Variants in LY6G6D observed in about 807,000 individuals in gnomAD.
LY6G6D encodes the protein lymphocyte antigen 6 family member G6D.
LY6G6D carries 5 observed loss-of-function variants against 8.5 expected under a neutral mutation model. The observed-to-expected ratio is 0.59, with a 90% confidence interval of 0.31 to 1.24. The LOEUF is 1.24. Ranked by LOEUF, LY6G6D falls within the 50% of genes most tolerant of loss-of-function variation. The pLI is 0.07. For missense variants in LY6G6D, 154 were observed against 170.4 expected (o/e 0.90, Z 0.53); for synonymous variants, 65 against 69.6 (o/e 0.93, Z 0.33).
In LY6G6D at chr6:31,717,244, C is replaced by T. The variant is rs1432722178; in HGVS notation, c.179-337C>T. ...CAGCTGGGCAATAAGAGTGAAACTC[C>T]GTCTCAAAAAAAAAAAAAAAATTAC... On this transcript the variant is annotated intron_variant, in intron 2 of 2. Transcript: ENST00000375825. The surrounding 1 kb of genome is among the most constrained non-coding windows in gnomAD (Gnocchi z 5.0). Among the ~76,000 whole-genome samples the T allele has an allele frequency of 3.4e-5, 5 of 145,858 alleles. No homozygotes were observed. The highest frequency in any genetic ancestry group is 6.0e-5 in the Non-Finnish European group (4 of 66,808).
chr6:31,717,736 C>A lies in LY6G6D; in HGVS notation c.334C>A (p.Pro112Thr), dbSNP rs1368318062. 6.2e-7 allele frequency: 1 copy of A among 1,614,072 alleles called. No homozygotes were observed. Among genetic ancestry groups the A allele is most frequent in the African/African-American group, 1.3e-5 (1 of 74,928 alleles). ...CNSAVASHVA[P>T]AGILAAAATA... ...CAGCGCCGTGGCAAGCCATGTGGCC[C>A]CTGCAGGCATTTTGGCTGCAGCAGC... The change falls in exon 3 of 3, where the codon CCT (proline) becomes ACT (threonine). Residue 112 changes from proline to threonine, a missense_variant. Transcript: ENST00000375825. This position sits in a 1 kb window ranked among gnomAD's most constrained non-coding sequence, Gnocchi z 5.0.
Position 31,716,452 on chromosome 6 carries a change from CAG to C in LY6G6D, c.178+830_178+831del, listed in dbSNP as rs1562157655. Among the ~76,000 whole-genome samples the C allele has an allele frequency of 1.3e-5, 2 of 151,614 alleles. No individual in the cohort carries two copies. Reference sequence around the variant, plus strand: ...AAAAACAAACAAACAAACAAACAAACAGATTAAAAAATTAGTTGGGTGTGGTG... The same window carrying C: ...AAAAACAAACAAACAAACAAACAAACATTAAAAAATTAGTTGGGTGTGGTG... On this transcript the variant is annotated intron_variant, in intron 2 of 2. Coordinates refer to ENST00000375825, the MANE Select transcript of LY6G6D (RefSeq NM_021246.4). This position sits in a 1 kb window ranked among gnomAD's most constrained non-coding sequence, Gnocchi z 5.1.
chr6:31,717,530 G>T lies in LY6G6D; in HGVS notation c.179-51G>T. ...AATCACATCTGCTCTGCCCCAGAAG[G>T]CAAGTCCTGAAGCCAGGAGTCCAAC... On this transcript the variant is annotated intron_variant, in intron 2 of 2. Coordinates refer to ENST00000375825, the MANE Select transcript of LY6G6D (RefSeq NM_021246.4). The surrounding 1 kb of genome is among the most constrained non-coding windows in gnomAD (Gnocchi z 5.0). The T allele has an allele frequency of 6.2e-7, 1 of 1,614,136 alleles. No homozygotes were observed. The highest frequency in any genetic ancestry group is 8.5e-7 in the Non-Finnish European group (1 of 1,179,996).
chr6:31,717,312 G>T lies in LY6G6D; in HGVS notation c.179-269G>T. ...AAAATTATTTTATAGAATGTCCCTC[G>T]ATATTTATTTATCTGATATTTGCCA... On this transcript the variant is annotated intron_variant, in intron 2 of 2. Transcript: ENST00000375825. This position sits in a 1 kb window ranked among gnomAD's most constrained non-coding sequence, Gnocchi z 5.0. The T allele has an allele frequency of 1.5e-6, 1 of 656,384 alleles. No homozygotes were observed. 40.7% of individuals were successfully genotyped at this position (656,384 alleles called of 1,614,324 possible). A position where few individuals can be genotyped will look rare whatever the true frequency, so the allele number is the denominator to read the frequency against.
rs760385230 is a variant in LY6G6D, at chr6:31,715,415, G to A, written c.55+5G>A. On this transcript the variant is annotated splice_donor_5th_base_variant and intron_variant, in intron 1 of 2. Transcript: ENST00000375825. The stretch of plus-strand genomic sequence containing the variant: ...CCCTGCTAGGGGCTGCCTTGGGTAA[G>A]GAGGCGGCCAGCTAGCTTCTCACAC... 9 of 1,605,714 alleles carry A rather than the reference G, an allele frequency of 5.6e-6. No homozygotes were observed. Among genetic ancestry groups the A allele is most frequent in the Middle Eastern group, 3.3e-4 (2 of 6,054 alleles).
At position 31,717,296 on chromosome 6, in the gene LY6G6D, T is replaced by G. The variant is rs1328315241; in HGVS notation, c.179-285T>G. Among the ~76,000 whole-genome samples the G allele has an allele frequency of 6.6e-6, 1 of 152,142 alleles. No individual in the cohort carries two copies. Among genetic ancestry groups the G allele is most frequent in the Non-Finnish European group, 1.5e-5 (1 of 68,016 alleles). ...GATACTTGAAATACTAAAAATTATT[T>G]TATAGAATGTCCCTCGATATTTATT... On this transcript the variant is annotated intron_variant, in intron 2 of 2. Transcript: ENST00000375825. The surrounding 1 kb of genome is among the most constrained non-coding windows in gnomAD (Gnocchi z 5.0).
Position 31,717,792 on chromosome 6 carries a change from G to C in LY6G6D, c.390G>C (p.Leu130=). Residue 130 remains leucine (L), a synonymous_variant, in exon 3 of 3, where the codon CTG becomes CTC. Coordinates refer to ENST00000375825, the MANE Select transcript of LY6G6D (RefSeq NM_021246.4). This position sits in a 1 kb window ranked among gnomAD's most constrained non-coding sequence, Gnocchi z 5.0. The part of the protein sequence containing the change: ...ATALTCLLPG[L]WSG ...CCCTGACCTGTCTCTTGCCAGGACT[G>C]TGGAGCGGATAGGGGGAGTAGGAGT... 2 of 1,611,954 alleles carry C rather than the reference G, an allele frequency of 1.2e-6. No individual in the cohort carries two copies. Among genetic ancestry groups the C allele is most frequent in the Non-Finnish European group, 1.7e-6 (2 of 1,179,524 alleles).
rs1308260674 is a variant in LY6G6D, at chr6:31,717,718, G to A, written c.316G>A (p.Val106Met). 7 of 1,614,230 alleles carry A rather than the reference G, an allele frequency of 4.3e-6. No homozygotes were observed. The highest frequency in any genetic ancestry group is 5.9e-6 in the Non-Finnish European group (7 of 1,180,052). ...CYLGDLCNSA[V>M]ASHVAPAGIL... ...CCTGGGAGACCTGTGCAACAGCGCC[G>A]TGGCAAGCCATGTGGCCCCTGCAGG... Residue 106 changes from valine to methionine, a missense_variant, in exon 3 of 3, where the codon GTG (valine) becomes ATG (methionine). By Grantham distance (21) the Val-to-Met change is conservative (BLOSUM62 1). Coordinates refer to ENST00000375825, the MANE Select transcript of LY6G6D (RefSeq NM_021246.4). This position sits in a 1 kb window ranked among gnomAD's most constrained non-coding sequence, Gnocchi z 5.0.
intron 2 of LY6G6D, 146 bp downstream of exon 2, chr6:31,715,770 T>G: frequency 8.0e-7 from 1 of 1,254,464 alleles, no homozygotes; most frequent in Middle Eastern, 2.6e-4. Flanking sequence ...GTACCCCTTC[T>G]GGCTCCTGGC....
chr6:31,717,463 G>A lies in LY6G6D; in HGVS notation c.179-118G>A. 1 of 1,609,670 alleles carries A rather than the reference G, an allele frequency of 6.2e-7. No individual in the cohort carries two copies. The highest frequency in any genetic ancestry group is 8.5e-7 in the Non-Finnish European group (1 of 1,177,850). On this transcript the variant is annotated intron_variant, in intron 2 of 2. Coordinates refer to ENST00000375825, the MANE Select transcript of LY6G6D (RefSeq NM_021246.4). This position sits in a 1 kb window ranked among gnomAD's most constrained non-coding sequence, Gnocchi z 5.0. ...AACTTTGATCACTTGGTTTCAGGGA[G>A]GTGTTTTTTGAGGGGGCTGAAAATC...
In LY6G6D at chr6:31,717,337, A is replaced by G; in HGVS notation, c.179-244A>G. ...GATATTTATTTATCTGATATTTGCC[A>G]TGATGAGATTGAGGTCATGCATTTT... On this transcript the variant is annotated intron_variant, in intron 2 of 2. Transcript: ENST00000375825. This position sits in a 1 kb window ranked among gnomAD's most constrained non-coding sequence, Gnocchi z 5.0. The G allele has an allele frequency of 1.3e-6, 1 of 747,856 alleles. No homozygotes were observed. 46.3% of individuals were successfully genotyped at this position (747,856 alleles called of 1,614,324 possible).
chr6:31,715,589 A>C lies in LY6G6D; in HGVS notation c.143A>C (p.Gln48Pro). 1.2e-6 allele frequency: 2 copies of C among 1,613,076 alleles called. No individual in the cohort carries two copies. Among genetic ancestry groups the C allele is most frequent in the South Asian group, 2.2e-5 (2 of 91,084 alleles). ...AVTTCGEGRP[Q>P]PGLEQIKLPG... ...ACCACCTGTGGCGAGGGCAGACCCC[A>C]GCCAGGCCTGGAACAGATCAAGCTA... Residue 48 changes from glutamine to proline, a missense_variant, in exon 2 of 3, where the codon CAG becomes CCG. Coordinates refer to ENST00000375825, the MANE Select transcript of LY6G6D (RefSeq NM_021246.4).
chr6:31,717,426 G>A lies in LY6G6D; in HGVS notation c.179-155G>A. 6.3e-7 allele frequency: 1 copy of A among 1,579,182 alleles called. No individual in the cohort carries two copies. Among genetic ancestry groups the A allele is most frequent in the South Asian group, 1.2e-5 (1 of 85,398 alleles). On this transcript the variant is annotated intron_variant, in intron 2 of 2. Coordinates refer to ENST00000375825, the MANE Select transcript of LY6G6D (RefSeq NM_021246.4). This position sits in a 1 kb window ranked among gnomAD's most constrained non-coding sequence, Gnocchi z 5.0. ...GCTGCATCACATCAGGAGTTTACAA[G>A]GTCAATGCATTAACTTTGATCACTT...
At chr6:31,715,734 G>T in intron 2 of LY6G6D, 110 bp downstream of exon 2, 1 of 1,488,182 alleles carries the variant, frequency 6.7e-7, no homozygotes, top group Non-Finnish European at 9.0e-7. Flanking sequence ...TGGGCAGATG[G>T]TGCAGCTGTT....
At chr6:31,715,701 A>G in intron 2 of LY6G6D, 77 bp downstream of exon 2, 1 of 1,569,232 alleles carries the variant, frequency 6.4e-7, no homozygotes, top group South Asian at 1.2e-5. Context: ...GGCTTCCAGA[A>G]CCCTCCAGGC....
At position 31,715,536 on chromosome 6, in the gene LY6G6D, C is replaced by G; in HGVS notation, c.90C>G (p.Ser30Arg). 6.2e-7 allele frequency: 1 copy of G among 1,613,012 alleles called. No individual in the cohort carries two copies. The highest frequency in any genetic ancestry group is 8.5e-7 in the Non-Finnish European group (1 of 1,180,016). ...TGCGGTGCTACAACTGTGGTGGAAG[C>G]CCCAGCAGTTCTTGCAAAGAGGCCG... is the stretch of plus-strand genomic sequence containing the variant. ...NRMRCYNCGG[S>R]PSSSCKEAVT... The change falls in exon 2 of 3, where the codon AGC becomes AGG. Residue 30 changes from serine (S) to arginine (R), a missense_variant. By Grantham distance (110) the Ser-to-Arg change is moderately radical. Transcript: ENST00000375825.
chr6:31,715,717 C>T (rs747329941), intron 2 of LY6G6D, 93 bp downstream of exon 2: 4 of 1,539,632 alleles, frequency 2.6e-6, no homozygotes, highest in African/African-American at 1.4e-5. Flanking sequence ...CAGGCTCAGT[C>T]TGGCTCTGGG....
chr6:31,715,860 C>T (rs1388246966), intron 2 of LY6G6D, among the ~76,000 whole-genome samples: 2 of 152,086 alleles, frequency 1.3e-5, no homozygotes, highest in African/African-American at 2.4e-5. Context: ...CTCATAGGCC[C>T]ATTAGCTCAC....
rs894085518 is a variant in LY6G6D, at chr6:31,717,725, G to A, written c.323G>A (p.Ser108Asn). 17 of 1,614,124 alleles carry A rather than the reference G, an allele frequency of 1.1e-5. No individual in the cohort carries two copies. Among genetic ancestry groups the A allele is most frequent in the Non-Finnish European group, 1.4e-5 (17 of 1,180,060 alleles). Residue 108 changes from serine to asparagine, a missense_variant, in exon 3 of 3, where the codon AGC (serine) becomes AAC (asparagine). By Grantham distance (46) the Ser-to-Asn change is conservative. Coordinates refer to ENST00000375825, the MANE Select transcript of LY6G6D (RefSeq NM_021246.4). The surrounding 1 kb of genome is among the most constrained non-coding windows in gnomAD (Gnocchi z 5.0). ...GACCTGTGCAACAGCGCCGTGGCAA[G>A]CCATGTGGCCCCTGCAGGCATTTTG... is the stretch of plus-strand genomic sequence containing the variant. ...LGDLCNSAVA[S>N]HVAPAGILAA... is the part of the protein sequence containing the mutation.
Sources: gnomAD v4.1 joint callset for allele counts (sites outside exome capture counted in the v4.1 genomes callset) on GRCh38, gnomAD v4.1.1 for gene constraint, Gnocchi (gnomAD v3.1) non-coding constraint, MANE v1.5 for transcripts, NCBI Gene and HGNC (gene_info 2026-07-23, HGNC 2026-07-21) for gene names.